The following NPSR1 variants were observed in gnomAD, a reference collection of about 807,000 sequenced individuals.
The protein encoded by NPSR1 is neuropeptide S receptor 1, also known as neuropeptide S receptor.
Under a neutral mutation model 46.9 loss-of-function variants are expected in NPSR1, and 48 were observed. That is an observed-to-expected ratio of 1.02 (90% confidence interval 0.81 to 1.30). The LOEUF (loss-of-function observed/expected upper bound fraction) is 1.30, where lower values mean the gene tolerates loss of function less well. Among genes scored for constraint, NPSR1 ranks in the 50% most tolerant of loss-of-function variants. The pLI is 0.00. For synonymous variants in NPSR1, 176 were observed against 168.1 expected, an observed-to-expected ratio of 1.05 and a Z score of -0.36; for missense variants, 450 against 449.5, an observed-to-expected ratio of 1.00 and a Z score of -0.01.
chr7:34,774,494 A>G (rs567504742), intron 2 of NPSR1, among the ~76,000 whole-genome samples: 15 of 152,326 alleles, frequency 9.8e-5, no homozygotes, highest in African/African-American at 3.6e-4. Flanking sequence ...CTAGCTCATA[A>G]TGGTCAGTTC....
intron 2 of NPSR1, among the ~76,000 whole-genome samples, chr7:34,760,328 G>T (rs1248532827): frequency 1.5e-4 from 23 of 152,090 alleles, no homozygotes. Context: ...GGTTTTATAG[G>T]GCAAGCATTT....
At chr7:34,740,277 G>A (rs915298337) in intron 2 of NPSR1, among the ~76,000 whole-genome samples, 1 of 151,948 alleles carries the variant, frequency 6.6e-6, no homozygotes, top group Non-Finnish European at 1.5e-5. Flanking sequence ...CACTGAGTTT[G>A]TTTCCAGGCA....
chr7:34,691,015 C>A (rs1158074276), intron 2 of NPSR1, among the ~76,000 whole-genome samples: 1 of 152,060 alleles, frequency 6.6e-6, no homozygotes, highest in Non-Finnish European at 1.5e-5. Context: ...TTTCATAAGA[C>A]TAATAGTGGA....
At chr7:34,703,594 T>A (rs1793956926) in intron 2 of NPSR1, among the ~76,000 whole-genome samples, 1 of 152,116 alleles carries the variant, frequency 6.6e-6, no homozygotes, top group Non-Finnish European at 1.5e-5. Context: ...TTCTCCACAA[T>A]TTTGATCCCT....
intron 2 of NPSR1, among the ~76,000 whole-genome samples, chr7:34,764,164 T>C (rs1786314922): frequency 6.6e-6 from 1 of 152,224 alleles, no homozygotes; most frequent in African/African-American, 2.4e-5. Context: ...GACAAAGGCA[T>C]GTTTGTTTTT....
intron 1 of NPSR1, among the ~76,000 whole-genome samples, chr7:34,664,458 C>A (rs1464489489): frequency 6.6e-6 from 1 of 152,146 alleles, no homozygotes; most frequent in East Asian, 1.9e-4. Context: ...TTTCTCAAGA[C>A]AACTACTGAG....
chr7:34,804,880 A>C (rs1455252683), intron 3 of NPSR1, among the ~76,000 whole-genome samples: 3 of 152,032 alleles, frequency 2.0e-5, no homozygotes, highest in Non-Finnish European at 4.4e-5. Flanking sequence ...TACAAAAGTC[A>C]GTTGTTTTTT....
rs532208859 is a variant in NPSR1 at position 34,789,594 on chromosome 7, A to C, written c.384+11029A>C. Among the ~76,000 whole-genome samples, 9 of 151,962 alleles carry C rather than the reference A, an allele frequency of 5.9e-5. No homozygotes were observed. In the South Asian group the frequency reaches 1.9e-3, roughly 32 times the overall value. On this transcript the variant is annotated intron_variant, in intron 3 of 8. Transcript: ENST00000360581. ...GATCACCTGAGGTCAGGAGTTTGACACCAGCCTGACCAACATGCAGAAACC... is the reference window on the plus strand; with the variant it reads ...GATCACCTGAGGTCAGGAGTTTGACCCCAGCCTGACCAACATGCAGAAACC...
At chr7:34,705,607 C>T (rs1456346656) in intron 2 of NPSR1, among the ~76,000 whole-genome samples, 1 of 151,760 alleles carries the variant, frequency 6.6e-6, no homozygotes, top group Non-Finnish European at 1.5e-5. Context: ...TGATCTCTCT[C>T]TCTCTCTCTC....
intron 2 of NPSR1, among the ~76,000 whole-genome samples, chr7:34,729,293 T>C (rs1784310383): frequency 6.6e-6 from 1 of 152,078 alleles, no homozygotes; most frequent in Admixed American, 6.5e-5. Flanking sequence ...TTCCATCTCA[T>C]TGTGAATAAA....
At chr7:34,666,223 G>C (rs762903479) in intron 1 of NPSR1, among the ~76,000 whole-genome samples, 4 of 152,168 alleles carry the variant, frequency 2.6e-5, no homozygotes, top group African/African-American at 7.2e-5. Flanking sequence ...GGAAAAATCC[G>C]TAGGATTGGT....
At chr7:34,658,681 A>G (rs1276754258) in intron 1 of NPSR1, 122 bp downstream of exon 1, 1 of 1,055,334 alleles carries the variant, frequency 9.5e-7, no homozygotes, top group Admixed American at 2.3e-5. Flanking sequence ...TTTACTAAAA[A>G]GGATTTTTAA....
chr7:34,812,943 A>G (rs1789064681), intron 4 of NPSR1, among the ~76,000 whole-genome samples: 2 of 152,244 alleles, frequency 1.3e-5, no homozygotes, highest in South Asian at 4.1e-4. Flanking sequence ...ATTTTAGGAT[A>G]AATATAATTA....
chr7:34,672,364 CA>C (rs1792101788), intron 1 of NPSR1, among the ~76,000 whole-genome samples: 1 of 152,122 alleles, frequency 6.6e-6, no homozygotes, highest in Non-Finnish European at 1.5e-5. Context: ...GAACAAATTG[CA>C]AGAAGAGATT....
chr7:34,837,028 T>C (rs1463654837), intron 6 of NPSR1, among the ~76,000 whole-genome samples: 1 of 151,996 alleles, frequency 6.6e-6, no homozygotes, highest in Non-Finnish European at 1.5e-5. Context: ...TATATGTGCC[T>C]GTATAGACAG....
chr7:34,699,727 A>G (rs542366002), intron 2 of NPSR1, among the ~76,000 whole-genome samples: 7 of 152,268 alleles, frequency 4.6e-5, no homozygotes, highest in Admixed American at 4.6e-4. Context: ...CACCCTTGTT[A>G]ACCTTAATTA....
intron 8 of NPSR1, among the ~76,000 whole-genome samples, chr7:34,856,329 A>G (rs1221680439): frequency 1.3e-5 from 2 of 151,796 alleles, no homozygotes; most frequent in Non-Finnish European, 1.5e-5. Context: ...TATTATTTCC[A>G]CATAGCAGCA....
intron 8 of NPSR1, among the ~76,000 whole-genome samples, chr7:34,858,380 G>A (rs916262635): frequency 6.6e-6 from 1 of 151,742 alleles, no homozygotes; most frequent in African/African-American, 2.4e-5. Flanking sequence ...AACTGCATAT[G>A]CTTGCAGCAA....
intron 2 of NPSR1, among the ~76,000 whole-genome samples, chr7:34,754,012 C>A (rs1226581007): frequency 6.6e-6 from 1 of 152,058 alleles, no homozygotes; most frequent in Admixed American, 6.5e-5. Flanking sequence ...TAGAAGAAAA[C>A]CTGGACATTT....
Sources: gnomAD v4.1 joint callset for allele counts (sites outside exome capture counted in the v4.1 genomes callset) on GRCh38, gnomAD v4.1.1 for gene constraint, MANE v1.5 for transcripts, NCBI Gene and HGNC (gene_info 2026-07-23, HGNC 2026-07-21) for gene names.